The following CLGN variants were observed in gnomAD, a reference collection of about 807,000 sequenced individuals.
The protein encoded by CLGN is testis tissue sperm-binding protein Li 79P.
CLGN carries 62 observed loss-of-function variants against 79.1 expected under a neutral mutation model. That is an observed-to-expected ratio of 0.78 (90% CI 0.64 to 0.97). The LOEUF is 0.97. Ranked by LOEUF, CLGN falls within the 50% of genes least tolerant of loss-of-function variation. CLGN has a pLI of 0.00. For missense variants in CLGN, 647 were observed against 715.5 expected, an observed-to-expected ratio of 0.90 and a Z score of 1.09; for synonymous variants, 225 against 224.7, an observed-to-expected ratio of 1.00 and a Z score of -0.01.
At chr4:140,404,260 A>G (rs1729053420) in intron 5 of CLGN, among the ~76,000 whole-genome samples, 1 of 151,536 alleles carries the variant, frequency 6.6e-6, no homozygotes, top group Non-Finnish European at 1.5e-5. Flanking sequence ...CACCCGGCTA[A>G]TTTTTTGTAT....
At chr4:140,409,306 A>C in intron 4 of CLGN, among the ~76,000 whole-genome samples, 1 of 152,050 alleles carries the variant, frequency 6.6e-6, no homozygotes, top group African/African-American at 2.4e-5. Context: ...TAGGGAAGAC[A>C]ATATGACCCC....
chr4:140,422,336 T>C (rs1729485343), intron 1 of CLGN, among the ~76,000 whole-genome samples: 1 of 152,332 alleles, frequency 6.6e-6, no homozygotes, highest in Non-Finnish European at 1.5e-5. Flanking sequence ...GCACTGAATC[T>C]GTAGATTACT....
chr4:140,395,817 A>G lies in CLGN; in HGVS notation c.1149+2T>C. ...TAAATAATTGGAACAAGCGGTTGTT[A>G]CCTGATAGTTAGGATTATCGACCAG... On this transcript the variant is annotated splice_donor_variant, in intron 10 of 14. Transcript: ENST00000325617. LOFTEE classifies it high-confidence loss of function. 2.0e-6 allele frequency: 3 copies of G among 1,468,114 alleles called. No homozygotes were observed. 90.9% of individuals were successfully genotyped at this position (1,468,114 alleles called of 1,614,324 possible).
intron 1 of CLGN, among the ~76,000 whole-genome samples, chr4:140,413,881 T>G (rs1490826550): frequency 1.3e-5 from 2 of 152,268 alleles, no homozygotes; most frequent in African/African-American, 4.8e-5. Context: ...TGCCTGCCTC[T>G]GTAGGCTCCA....
At position 140,389,347 on chromosome 4, in the gene CLGN, A is replaced by G. The variant is rs750610875; in HGVS notation, c.1753-43T>C. On this transcript the variant is annotated intron_variant, in intron 14 of 14. Coordinates refer to ENST00000325617, the MANE Select transcript of CLGN (RefSeq NM_004362.3). ...GAAAAGGTTTCTTTTAGTATAACACATAACTAGTAGATAGTAGTAAACAAT... is the reference window on the plus strand; with the variant it reads ...GAAAAGGTTTCTTTTAGTATAACACGTAACTAGTAGATAGTAGTAAACAAT... 1.4e-5 allele frequency: 19 copies of G among 1,375,812 alleles called. No individual in the cohort carries two copies. The African/African-American group carries it at 2.3e-4, about 16-fold the overall frequency. 85.2% of individuals were successfully genotyped at this position (1,375,812 alleles called of 1,614,324 possible). A position where few individuals can be genotyped will look rare whatever the true frequency, so the allele number is the denominator to read the frequency against.
intron 13 of CLGN, 107 bp downstream of exon 13, chr4:140,392,112 T>C (rs1728783568): frequency 7.8e-7 from 1 of 1,288,986 alleles, no homozygotes. Flanking sequence ...GATTCAGATG[T>C]ATAAACTTGA....
chr4:140,410,460 A>C (rs762872772), intron 3 of CLGN, 93 bp downstream of exon 3: 1 of 801,280 alleles, frequency 1.2e-6, no homozygotes, highest in East Asian at 2.5e-5. Flanking sequence ...TTTTTTATAG[A>C]TCTGTAGTAG....
intron 1 of CLGN, among the ~76,000 whole-genome samples, chr4:140,416,712 C>T (rs1165086588): frequency 6.6e-6 from 1 of 151,934 alleles, no homozygotes; most frequent in South Asian, 2.1e-4. Flanking sequence ...TAATCAATAG[C>T]TTACCAACCA....
intron 8 of CLGN, among the ~76,000 whole-genome samples, chr4:140,398,577 T>C (rs147065678): frequency 6.6e-6 from 1 of 152,194 alleles, no homozygotes; most frequent in East Asian, 1.9e-4. Context: ...AAAGCACTGG[T>C]ATTTTGGATT....
Position 140,410,584 on chromosome 4 carries a change from C to T in CLGN, c.187G>A (p.Ala63Thr), listed in dbSNP as rs768685773. ...AACCTTCCACTATCAAAAGTTTCTG[C>T]AAAATATACTTCTCCTATAGGTTGA... ...TPQPIGEVYF[A>T]ETFDSGRLAG... The change falls in exon 3 of 15, where the codon GCA becomes ACA. Residue 63 changes from alanine to threonine, a missense_variant. Ala to Thr is a moderately conservative substitution (Grantham distance 58). Transcript: ENST00000325617. 6.2e-7 allele frequency: 1 copy of T among 1,603,888 alleles called. No homozygotes were observed. The highest frequency in any genetic ancestry group is 8.5e-7 in the Non-Finnish European group (1 of 1,171,282).
At chr4:140,413,497 G>A (rs187618736) in intron 1 of CLGN, among the ~76,000 whole-genome samples, 3,050 of 152,258 alleles carry the variant, frequency 0.02, 88 homozygotes, top group African/African-American at 0.063. Flanking sequence ...CAGTGGGTGC[G>A]TGCACCGTGC....
At chr4:140,427,316 T>C (rs530525858) in intron 1 of CLGN, among the ~76,000 whole-genome samples, 32 of 152,180 alleles carry the variant, frequency 2.1e-4, no homozygotes, top group Non-Finnish European at 3.7e-4. Flanking sequence ...CACCACCTCC[T>C]GCGTCCACCC....
In CLGN at chr4:140,392,621, A is replaced by T; in HGVS notation, c.1456T>A (p.Leu486Ile). ...YLVTAGVPIALITSFCWPRKV... is the reference protein window; with the variant it reads ...YLVTAGVPIAIITSFCWPRKV... ...CTTGGCCAACAAAATGAAGTAATTA[A>T]TGCTATTGGCACTCCTGCTGTCACA... Residue 486 changes from leucine to isoleucine, a missense_variant, in exon 12 of 15, where the codon TTA (leucine) becomes ATA (isoleucine). Physicochemically the swap from Leu to Ile is conservative, Grantham distance 5. Coordinates refer to ENST00000325617, the MANE Select transcript of CLGN (RefSeq NM_004362.3). 1 of 1,608,122 alleles carries T rather than the reference A, an allele frequency of 6.2e-7. No homozygotes were observed. Among genetic ancestry groups the T allele is most frequent in the Non-Finnish European group, 8.5e-7 (1 of 1,178,172 alleles).
At chr4:140,417,879 A>G (rs1382354467) in intron 1 of CLGN, among the ~76,000 whole-genome samples, 2 of 151,744 alleles carry the variant, frequency 1.3e-5, no homozygotes, top group African/African-American at 2.4e-5. Flanking sequence ...ACCAAAAAAG[A>G]GCCCGCATCG....
At chr4:140,404,694 A>G (rs555705723) in intron 5 of CLGN, among the ~76,000 whole-genome samples, 2 of 150,982 alleles carry the variant, frequency 1.3e-5, no homozygotes, top group South Asian at 2.1e-4. Flanking sequence ...TCATTCTGTC[A>G]CCCAGGCTGC....
chr4:140,411,013 T>G (rs1729200341), intron 2 of CLGN, among the ~76,000 whole-genome samples: 1 of 152,062 alleles, frequency 6.6e-6, no homozygotes, highest in Non-Finnish European at 1.5e-5. Flanking sequence ...TAAGTTTTAC[T>G]GTTAGGTACC....
chr4:140,404,008 T>TTTTTCA (rs1729044963), intron 5 of CLGN, among the ~76,000 whole-genome samples: 4 of 152,230 alleles, frequency 2.6e-5, no homozygotes, highest in Admixed American at 2.6e-4. Context: ...GTAGTAATGC[T>TTTTTCA]GAAAACAGGT....
intron 4 of CLGN, among the ~76,000 whole-genome samples, chr4:140,408,558 C>T (rs1479064970): frequency 2.6e-5 from 4 of 151,876 alleles, no homozygotes; most frequent in African/African-American, 7.2e-5. Context: ...AAATGGCCAA[C>T]GAACATGTTT....
In CLGN at chr4:140,412,924, A is replaced by G. The variant is rs769870725; in HGVS notation, c.144+11T>C. The stretch of plus-strand genomic sequence containing the variant: ...AGGAATAATTTATAACCCATTTCTC[A>G]ATAACCATACCTCTGAGGAAAGTTC... On this transcript the variant is annotated intron_variant, in intron 2 of 14. Coordinates refer to ENST00000325617, the MANE Select transcript of CLGN (RefSeq NM_004362.3). 6 of 1,610,370 alleles carry G rather than the reference A, an allele frequency of 3.7e-6. No homozygotes were observed. The African/African-American group carries it at 4.0e-5, about 11-fold the overall frequency.
Sources: gnomAD v4.1 joint callset for allele counts (sites outside exome capture counted in the v4.1 genomes callset) on GRCh38, gnomAD v4.1.1 for gene constraint, MANE v1.5 for transcripts, NCBI Gene and HGNC (gene_info 2026-07-23, HGNC 2026-07-21) for gene names.